The following ELFN1 variants were observed in gnomAD, a reference collection of about 807,000 sequenced individuals.
ELFN1 encodes the protein extracellular leucine rich repeat and fibronectin type III domain containing 1.
In ELFN1, 6 loss-of-function variants were observed where a neutral mutation model predicts 7.6. That is an observed-to-expected ratio of 0.79 (90% CI 0.43 to 1.56). ELFN1 has a LOEUF of 1.56. Ranked by LOEUF, ELFN1 falls within the 40% of genes most tolerant of loss-of-function variation. The probability of loss-of-function intolerance (pLI) is 0.01; values close to 1 mark genes in which losing one functional copy is unlikely to be tolerated. For missense variants in ELFN1, 1,169 were observed against 1,232.2 expected, an observed-to-expected ratio of 0.95 and a Z score of 0.77; for synonymous variants, 657 against 588.1, an observed-to-expected ratio of 1.12 and a Z score of -1.70.
intron 3 of ELFN1, among the ~76,000 whole-genome samples, chr7:1,712,281 C>T (rs1478664496): frequency 6.6e-6 from 1 of 151,322 alleles, no homozygotes; most frequent in Non-Finnish European, 1.5e-5. Flanking sequence ...GCCACCACGC[C>T]CAGCTAGTTT....
intron 3 of ELFN1, among the ~76,000 whole-genome samples, chr7:1,720,773 G>A (rs990715025): frequency 1.6e-5 from 2 of 125,656 alleles, no homozygotes; most frequent in East Asian, 2.4e-4. Context: ...CTCTTCCACA[G>A]TGTAAGCTCT....
intron 3 of ELFN1, among the ~76,000 whole-genome samples, chr7:1,734,073 C>G (rs117096797): frequency 2.3e-4 from 35 of 152,342 alleles, no homozygotes; most frequent in Non-Finnish European, 4.4e-4. Context: ...AGTCTCAAAC[C>G]AGCCATCCCT....
chr7:1,736,471 T>A (rs1403855893), intron 3 of ELFN1, among the ~76,000 whole-genome samples: 1 of 152,182 alleles, frequency 6.6e-6, no homozygotes, highest in Non-Finnish European at 1.5e-5. Flanking sequence ...ATTATGCAAA[T>A]TCAGTCGTAA....
intron 1 of ELFN1, among the ~76,000 whole-genome samples, chr7:1,683,749 A>G (rs1271609110): frequency 6.6e-6 from 1 of 152,220 alleles, no homozygotes; most frequent in East Asian, 1.9e-4. Flanking sequence ...ATTTATTTAT[A>G]ACTGTTACAT....
At chr7:1,734,697 CT>C (rs1303282573) in intron 3 of ELFN1, among the ~76,000 whole-genome samples, 2 of 150,696 alleles carry the variant, frequency 1.3e-5, no homozygotes, top group East Asian at 1.9e-4. Context: ...TGCATTTTCA[CT>C]TTTTTTTTCT....
At chr7:1,697,548 C>T (rs886812985) in intron 2 of ELFN1, among the ~76,000 whole-genome samples, 2 of 152,238 alleles carry the variant, frequency 1.3e-5, no homozygotes, top group Non-Finnish European at 2.9e-5. Flanking sequence ...TCCCACTGGC[C>T]TTGTCTTAGC....
At chr7:1,721,025 G>A (rs1318964849) in intron 3 of ELFN1, among the ~76,000 whole-genome samples, 1 of 152,118 alleles carries the variant, frequency 6.6e-6, no homozygotes, top group African/African-American at 2.4e-5. Flanking sequence ...TCCACGTCAT[G>A]GTATTTCTAT....
chr7:1,698,537 C>T (rs1056758254), intron 2 of ELFN1, among the ~76,000 whole-genome samples: 5 of 152,032 alleles, frequency 3.3e-5, no homozygotes, highest in Admixed American at 6.6e-5. Flanking sequence ...CCTAATTAAA[C>T]ACGAATCCTT....
At chr7:1,730,035 C>G (rs1420641215) in intron 3 of ELFN1, among the ~76,000 whole-genome samples, 1 of 152,218 alleles carries the variant, frequency 6.6e-6, no homozygotes, top group East Asian at 1.9e-4. Flanking sequence ...GGGACCAGCC[C>G]CTCCCAGATG....
At chr7:1,721,248 A>C (rs764422697) in intron 3 of ELFN1, among the ~76,000 whole-genome samples, 1 of 152,176 alleles carries the variant, frequency 6.6e-6, no homozygotes, top group African/African-American at 2.4e-5. Flanking sequence ...TGGCTGCCCA[A>C]CCAGGCCTGA....
chr7:1,727,902 C>T (rs1780239684), intron 3 of ELFN1, among the ~76,000 whole-genome samples: 1 of 152,168 alleles, frequency 6.6e-6, no homozygotes, highest in Non-Finnish European at 1.5e-5. Flanking sequence ...GCCACTGTGC[C>T]TCACCTCCCC....
chr7:1,701,425 C>T (rs781670690), intron 2 of ELFN1, among the ~76,000 whole-genome samples: 18 of 152,132 alleles, frequency 1.2e-4, no homozygotes, highest in East Asian at 9.6e-4. Flanking sequence ...TATATTTTTA[C>T]GAGCAGAAAT....
At chr7:1,726,430 T>A (rs1281358087) in intron 3 of ELFN1, among the ~76,000 whole-genome samples, 1 of 152,228 alleles carries the variant, frequency 6.6e-6, no homozygotes, top group Non-Finnish European at 1.5e-5. Flanking sequence ...CTCAGACATA[T>A]GCTGGCGGCA....
At chr7:1,677,645 G>GA (rs1029764484) in intron 1 of ELFN1, among the ~76,000 whole-genome samples, 2 of 151,994 alleles carry the variant, frequency 1.3e-5, no homozygotes, top group African/African-American at 4.8e-5. Flanking sequence ...CACCCTCCTG[G>GA]CCCCCCCACC....
chr7:1,686,690 A>G (rs953395273), intron 1 of ELFN1, among the ~76,000 whole-genome samples: 5 of 151,926 alleles, frequency 3.3e-5, no homozygotes, highest in African/African-American at 9.7e-5. Context: ...CCTGGTTTCT[A>G]CTTTTTTCCA....
chr7:1,695,747 CA>C lies in ELFN1; in HGVS notation c.-456+7622del, dbSNP rs34132549. 5.5e-3 allele frequency among the ~76,000 whole-genome samples: 323 copies of C among 59,202 alleles called. 1 individual carries two copies. The highest frequency in any genetic ancestry group is 0.015 in the African/African-American group (232 of 15,020). 38.8% of individuals were successfully genotyped at this position (59,202 alleles called of 152,430 possible). A position where few individuals can be genotyped will look rare whatever the true frequency, so the allele number is the denominator to read the frequency against. On this transcript the variant is annotated intron_variant, in intron 2 of 3. Transcript: ENST00000424383. The surrounding 1 kb of genome is among the most constrained non-coding windows in gnomAD (Gnocchi z 5.1). ...TGGGTGACAGAGCGAGACTCCGTGT[CA>C]AAAAAAAAAAAAAAAAAAAAAAAAC...
intron 1 of ELFN1, among the ~76,000 whole-genome samples, chr7:1,685,513 G>A (rs1207218369): frequency 6.6e-6 from 1 of 151,902 alleles, no homozygotes; most frequent in Non-Finnish European, 1.5e-5. Flanking sequence ...TTTTTTCTCT[G>A]TGTTCTTTAG....
intron 3 of ELFN1, among the ~76,000 whole-genome samples, chr7:1,744,060 G>A (rs994126814): frequency 5.9e-5 from 9 of 152,298 alleles, no homozygotes; most frequent in African/African-American, 2.2e-4. Flanking sequence ...GCCGAGAGCC[G>A]AGGAGACCCC....
rs550905654 is a variant in ELFN1 at position 1,705,696 on chromosome 7, T to C, written c.-455-3395T>C. Among the ~76,000 whole-genome samples the C allele has an allele frequency of 1.3e-5, 2 of 152,344 alleles. No individual in the cohort carries two copies. The highest frequency in any genetic ancestry group is 4.1e-4 in the South Asian group (2 of 4,826). ...CCCTGCCCTTTCTGGCTCATGGCAA[T>C]TCAGTGGATGGCTTTGGGCCTCGGT... On this transcript the variant is annotated intron_variant, in intron 2 of 3. Transcript: ENST00000424383. This position sits in a 1 kb window ranked among gnomAD's most constrained non-coding sequence, Gnocchi z 4.3.
Sources: gnomAD v4.1 joint callset for allele counts (sites outside exome capture counted in the v4.1 genomes callset) on GRCh38, gnomAD v4.1.1 for gene constraint, Gnocchi (gnomAD v3.1) non-coding constraint, MANE v1.5 for transcripts, NCBI Gene and HGNC (gene_info 2026-07-23, HGNC 2026-07-21) for gene names.